CCDC178: variants seen among roughly 807,000 people sequenced by gnomAD.
The protein encoded by CCDC178 is coiled-coil domain-containing protein 178.
In CCDC178, 126 loss-of-function variants were observed where a neutral mutation model predicts 117.4. The ratio of observed to expected loss-of-function variants is 1.07; its 90% CI spans 0.93 to 1.24. The LOEUF (loss-of-function observed/expected upper bound fraction) is 1.24. CCDC178 is among the 50% of genes most tolerant of loss of function. The probability of loss-of-function intolerance (pLI) is 0.00; values close to 1 mark genes in which losing one functional copy is unlikely to be tolerated. For synonymous variants in CCDC178, 283 were observed against 313.4 expected (o/e 0.90, Z 1.02); for missense variants, 1,030 against 986.9 (o/e 1.04, Z -0.59).
At chr18:32,991,270 C>T (rs2055385533) in intron 21 of CCDC178, among the ~76,000 whole-genome samples, 1 of 151,972 alleles carries the variant, frequency 6.6e-6, no homozygotes, top group African/African-American at 2.4e-5. Context: ...GTTTGCCGGG[C>T]AAATTAAACA....
chr18:33,356,402 A>G, intron 6 of CCDC178, 56 bp from the exon 7 acceptor site: 1 of 1,384,692 alleles, frequency 7.2e-7, no homozygotes, highest in Non-Finnish European at 9.7e-7. Flanking sequence ...TAAAAAACTG[A>G]ATAAATGTCA....
intron 20 of CCDC178, among the ~76,000 whole-genome samples, chr18:33,183,753 T>C (rs1598972705): frequency 6.6e-6 from 1 of 151,886 alleles, no homozygotes; most frequent in East Asian, 1.9e-4. Context: ...ATCTTAAATA[T>C]GCAATTAAAT....
intron 20 of CCDC178, among the ~76,000 whole-genome samples, chr18:33,102,761 A>G (rs1288520988): frequency 6.6e-6 from 1 of 151,832 alleles, no homozygotes. Flanking sequence ...CTACTTCCCA[A>G]ACTAATTTAA....
intron 20 of CCDC178, among the ~76,000 whole-genome samples, chr18:33,166,257 G>T (rs2058527506): frequency 6.6e-6 from 1 of 152,020 alleles, no homozygotes; most frequent in Non-Finnish European, 1.5e-5. Flanking sequence ...AAAACACTTG[G>T]TAACAAGTTA....
Position 32,964,282 on chromosome 18 carries a change from CT to C in CCDC178, c.2523+10264del, listed in dbSNP as rs540840174. 4.0e-5 allele frequency among the ~76,000 whole-genome samples: 6 copies of C among 151,782 alleles called. No individual in the cohort carries two copies. The East Asian group carries it at 5.8e-4, about 15-fold the overall frequency. Reference sequence around the variant, plus strand: ...GATGTTTTAACTAAGCATTTGTTTTCTTTTTTTTGTTTATGTGTTTATGCAT... The same window carrying C: ...GATGTTTTAACTAAGCATTTGTTTTCTTTTTTTGTTTATGTGTTTATGCAT... On this transcript the variant is annotated intron_variant, in intron 22 of 22. Coordinates refer to ENST00000383096, the MANE Select transcript of CCDC178 (RefSeq NM_001105528.4).
At chr18:33,245,700 T>C (rs1346904789) in intron 14 of CCDC178, among the ~76,000 whole-genome samples, 1 of 151,882 alleles carries the variant, frequency 6.6e-6, no homozygotes, top group African/African-American at 2.4e-5. Context: ...CTTGGCTTTT[T>C]GAACATTCAA....
intron 11 of CCDC178, among the ~76,000 whole-genome samples, chr18:33,316,275 A>G (rs2062414883): frequency 1.3e-5 from 2 of 152,304 alleles, no homozygotes; most frequent in South Asian, 4.1e-4. Flanking sequence ...CTTGCGGGAT[A>G]GCGCGAGTTC....
intron 21 of CCDC178, among the ~76,000 whole-genome samples, chr18:33,022,444 C>A (rs560769896): frequency 1.3e-5 from 2 of 152,030 alleles, no homozygotes; most frequent in Non-Finnish European, 2.9e-5. Context: ...AGAAGAAATA[C>A]TTAAGACAAT....
Position 33,077,480 on chromosome 18 carries a change from T to C in CCDC178, c.2388+15281A>G, listed in dbSNP as rs117915751. 4.0e-3 allele frequency among the ~76,000 whole-genome samples: 609 copies of C among 152,234 alleles called. 1 individual carries two copies. The highest frequency in any genetic ancestry group is 5.4e-3 in the Non-Finnish European group (365 of 68,012). ...CCAATATGACTGATATCTTTATCAG[T>C]TGGCCTAGGAGTGAGTTTTTTGAAA... On this transcript the variant is annotated intron_variant, in intron 21 of 22. Transcript: ENST00000383096.
At chr18:33,409,156 C>T (rs1161561995) in intron 3 of CCDC178, among the ~76,000 whole-genome samples, 1 of 152,060 alleles carries the variant, frequency 6.6e-6, no homozygotes, top group African/African-American at 2.4e-5. Context: ...AGTGCAGAGC[C>T]GCATGCGACA....
intron 7 of CCDC178, among the ~76,000 whole-genome samples, chr18:33,353,704 A>G (rs1017799205): frequency 6.6e-6 from 1 of 152,036 alleles, no homozygotes; most frequent in African/African-American, 2.4e-5. Flanking sequence ...TCTTTCTCTT[A>G]TGGTGTCAAT....
chr18:33,227,575 TATATACACACACACACAC>T (rs2059321709), intron 15 of CCDC178, among the ~76,000 whole-genome samples: 1 of 144,198 alleles, frequency 6.9e-6, no homozygotes. Flanking sequence ...TATATATATA[TATATACACACACACACAC>T]ACACATAGTT....
At chr18:33,194,884 T>C (rs1368095313) in intron 20 of CCDC178, among the ~76,000 whole-genome samples, 2 of 117,374 alleles carry the variant, frequency 1.7e-5, no homozygotes, top group Admixed American at 2.2e-4. Context: ...GGCAATACAA[T>C]GAGACTCTGT....
intron 21 of CCDC178, among the ~76,000 whole-genome samples, chr18:32,977,223 AAAGTTT>A (rs2055046784): frequency 6.6e-6 from 1 of 152,164 alleles, no homozygotes; most frequent in South Asian, 2.1e-4. Flanking sequence ...CGTCTAACTT[AAAGTTT>A]AAGTTATTAA....
intron 21 of CCDC178, among the ~76,000 whole-genome samples, chr18:33,004,305 C>G (rs1222405129): frequency 6.6e-6 from 1 of 151,962 alleles, no homozygotes; most frequent in Non-Finnish European, 1.5e-5. Flanking sequence ...ACCAATAGAA[C>G]AGAATAGAGA....
chr18:33,254,930 G>T (rs1479608554), intron 14 of CCDC178, among the ~76,000 whole-genome samples: 1 of 152,030 alleles, frequency 6.6e-6, no homozygotes, highest in Non-Finnish European at 1.5e-5. Context: ...ATGTGACAGT[G>T]TTACAGGGTG....
chr18:33,294,107 GA>G lies in CCDC178; in HGVS notation c.1023-796del, dbSNP rs144086350. On this transcript the variant is annotated intron_variant, in intron 11 of 22. Coordinates refer to ENST00000383096, the MANE Select transcript of CCDC178 (RefSeq NM_001105528.4). ...TTTTTAAAAAGAAGTAATAGTCAAA[GA>G]GTTATTTGTTCCTATATGACCCTCC... is the stretch of plus-strand genomic sequence containing the variant. 6.1e-3 allele frequency among the ~76,000 whole-genome samples: 929 copies of G among 152,256 alleles called. 8 individuals carry two copies. The highest frequency in any genetic ancestry group is 0.021 in the African/African-American group (891 of 41,550).
intron 5 of CCDC178, among the ~76,000 whole-genome samples, chr18:33,384,453 CA>C (rs1418383268): frequency 6.6e-6 from 1 of 152,090 alleles, no homozygotes; most frequent in Non-Finnish European, 1.5e-5. Context: ...ATGTTAAGGG[CA>C]GCCAGAGAGA....
In CCDC178 at chr18:33,255,259, C is replaced by A. The variant is rs563370110; in HGVS notation, c.1410-9831G>T. 8.1e-4 allele frequency among the ~76,000 whole-genome samples: 123 copies of A among 152,064 alleles called. 1 individual carries two copies. The highest frequency in any genetic ancestry group is 2.9e-3 in the African/African-American group (119 of 41,504). ...TAAACCTCTTTTCTTTACAAATTAC[C>A]CAGCTTCAGGTATTCTGTTATAGTA... On this transcript the variant is annotated intron_variant, in intron 14 of 22. Coordinates refer to ENST00000383096, the MANE Select transcript of CCDC178 (RefSeq NM_001105528.4).
Sources: allele counts gnomAD v4.1 joint callset (sites outside exome capture counted in the v4.1 genomes callset), GRCh38; gene constraint gnomAD v4.1.1; transcripts MANE v1.5; gene names NCBI Gene and HGNC (gene_info 2026-07-23, HGNC 2026-07-21).